Variants in PLXND1 observed in about 807,000 individuals in gnomAD.
PLXND1 encodes plexin-D1.
Under a neutral mutation model 197.7 loss-of-function variants are expected in PLXND1, and 54 were observed. That is an observed-to-expected ratio of 0.27 (90% CI 0.22 to 0.34). The LOEUF is 0.34. Ranked by LOEUF, PLXND1 falls within the 10% of genes least tolerant of loss-of-function variation. The probability of loss-of-function intolerance (pLI) is 1.00; values close to 1 mark genes in which losing one functional copy is unlikely to be tolerated. For synonymous variants in PLXND1, 1,180 were observed against 1,161.2 expected, an observed-to-expected ratio of 1.02 and a Z score of -0.33; for missense variants, 2,127 against 2,699.2, an observed-to-expected ratio of 0.79 and a Z score of 4.70.
At chr3:129,572,579 G>A (rs765163614) in intron 15 of PLXND1, 30 bp downstream of exon 15, 5 of 1,475,468 alleles carry the variant, frequency 3.4e-6, no homozygotes, top group Non-Finnish European at 4.5e-6. Context: ...TCTCTGGGCT[G>A]GAAGGGATGG....
chr3:129,565,511 G>C lies in PLXND1; in HGVS notation c.4350C>G (p.Ile1450Met), dbSNP rs748404760. The part of the protein sequence containing the change: ...DRCSLASLLT[I>M]ALHGKLEYYT... ...AGTACTCCAGCTTGCCGTGCAGCGCGATGGTCAGCAGCGAGGCCAGGCTGC... is the reference window on the plus strand; with the variant it reads ...AGTACTCCAGCTTGCCGTGCAGCGCCATGGTCAGCAGCGAGGCCAGGCTGC... Residue 1450 changes from isoleucine (I) to methionine (M), a missense_variant, in exon 25 of 36, where the codon ATC (isoleucine) becomes ATG (methionine). Physicochemically the swap from Ile to Met is conservative, Grantham distance 10. Coordinates refer to ENST00000324093, the MANE Select transcript of PLXND1 (RefSeq NM_015103.3). 1.2e-6 allele frequency: 2 copies of C among 1,613,734 alleles called. No homozygotes were observed. Among genetic ancestry groups the C allele is most frequent in the South Asian group, 2.2e-5 (2 of 91,076 alleles).
intron 19 of PLXND1, among the ~76,000 whole-genome samples, chr3:129,570,294 CA>C (rs2085205187): frequency 6.6e-6 from 1 of 152,098 alleles, no homozygotes; most frequent in African/African-American, 2.4e-5. Context: ...GCCCTGGGAC[CA>C]GGGGGTAGGT....
intron 30 of PLXND1, 61 bp downstream of exon 30, chr3:129,560,628 G>A: frequency 7.5e-7 from 1 of 1,333,270 alleles, no homozygotes; most frequent in Admixed American, 1.7e-5. Context: ...CAGGGCCACA[G>A]AAAGCCAAGG....
chr3:129,568,982 C>A (rs1384637004), intron 20 of PLXND1, among the ~76,000 whole-genome samples: 4 of 152,222 alleles, frequency 2.6e-5, no homozygotes, highest in Non-Finnish European at 5.9e-5. Flanking sequence ...TAGTCCCTGG[C>A]AATCACCATT....
chr3:129,580,182 C>G lies in PLXND1; in HGVS notation c.2242-1749G>C, dbSNP rs141524150. ...AGTTGTCCAGACCATTTGCTGACCA[C>G]GAGACCAGAGTGGTGAGTTCCCCTA... is the stretch of plus-strand genomic sequence containing the variant. On this transcript the variant is annotated intron_variant, in intron 8 of 35. Transcript: ENST00000324093. Among the ~76,000 whole-genome samples, 246 of 152,304 alleles carry G rather than the reference C, an allele frequency of 1.6e-3. No homozygotes were observed. The East Asian group carries it at 0.021, about 13-fold the overall frequency.
At position 129,555,489 on chromosome 3, in the gene PLXND1, C is replaced by G; in HGVS notation, c.*823G>C. ...TCGGGACCCCTCCCCGGGTCCTCTG[C>G]GCAAGCGGCAGCTATTCACAGTTGG... On this transcript the variant is annotated 3_prime_UTR_variant, in exon 36 of 36. Transcript: ENST00000324093. 2.9e-6 allele frequency: 2 copies of G among 680,810 alleles called. No individual in the cohort carries two copies. Among genetic ancestry groups the G allele is most frequent in the South Asian group, 1.6e-5 (1 of 63,472 alleles). The allele number at this position is 680,810 out of a possible 1,614,324, so 42.2% of individuals were successfully genotyped here. A position where few individuals can be genotyped will look rare whatever the true frequency, so the allele number is the denominator to read the frequency against.
intron 8 of PLXND1, among the ~76,000 whole-genome samples, chr3:129,579,840 A>T (rs1431786700): frequency 6.6e-6 from 1 of 152,198 alleles, no homozygotes; most frequent in African/African-American, 2.4e-5. Flanking sequence ...TCTTTATTCT[A>T]CACCAGATGA....
At chr3:129,584,284 C>A (rs1196880050) in intron 6 of PLXND1, 51 bp from the exon 7 acceptor site, 12 of 1,593,224 alleles carry the variant, frequency 7.5e-6, no homozygotes, top group Non-Finnish European at 9.5e-6. Flanking sequence ...GGGATTGCCA[C>A]CAACATCAGA....
At chr3:129,574,093 T>A (rs2085275786) in intron 12 of PLXND1, among the ~76,000 whole-genome samples, 1 of 152,176 alleles carries the variant, frequency 6.6e-6, no homozygotes, top group African/African-American at 2.4e-5. Context: ...CCTCGGTGTC[T>A]CCTCCACGCC....
intron 15 of PLXND1, 133 bp downstream of exon 15, chr3:129,572,476 G>T: frequency 1.4e-6 from 1 of 693,538 alleles, no homozygotes; most frequent in Non-Finnish European, 2.3e-6. Flanking sequence ...GAGGAGAAGG[G>T]GCTTGGCTTA....
intron 25 of PLXND1, among the ~76,000 whole-genome samples, chr3:129,564,207 C>T (rs979007071): frequency 1.3e-5 from 2 of 152,236 alleles, no homozygotes; most frequent in African/African-American, 2.4e-5. Context: ...CAGGAGGAGC[C>T]GTGGGGCTCC....
In PLXND1 at chr3:129,606,529, C is replaced by T; in HGVS notation, c.111G>A (p.Leu37=). ...CGCCGGCCCGCGCCGCCCCCAGGAG[C>T]AGCAGCAACAGCAGCGGCACCGGGC... ...PRCPVPLLLL[L]LLGAARAGAL... is the part of the protein sequence containing the mutation. The change falls in exon 1 of 36, where the codon CTG becomes CTA. Residue 37 remains leucine (L), a synonymous_variant. Transcript: ENST00000324093. 32 of 1,347,818 alleles carry T rather than the reference C, an allele frequency of 2.4e-5. No individual in the cohort carries two copies. Among genetic ancestry groups the T allele is most frequent in the Non-Finnish European group, 3.0e-5 (32 of 1,052,514 alleles). 83.5% of individuals were successfully genotyped at this position (1,347,818 alleles called of 1,614,324 possible).
chr3:129,579,533 G>A (rs1269109055), intron 8 of PLXND1, among the ~76,000 whole-genome samples: 1 of 152,184 alleles, frequency 6.6e-6, no homozygotes, highest in African/African-American at 2.4e-5. Context: ...CCTGCCCTGT[G>A]TTCTCCAGCT....
chr3:129,593,273 C>T (rs1010141714), intron 1 of PLXND1, among the ~76,000 whole-genome samples: 2 of 152,204 alleles, frequency 1.3e-5, no homozygotes, highest in African/African-American at 4.8e-5. Flanking sequence ...CCTCCCTCTG[C>T]CCCACCCGCT....
rs781293545 is a variant in PLXND1 at position 129,561,511 on chromosome 3, G to C, written c.4993+135C>G. On this transcript the variant is annotated intron_variant, in intron 29 of 35. Coordinates refer to ENST00000324093, the MANE Select transcript of PLXND1 (RefSeq NM_015103.3). ...TACTGGGTCAGAGGAGGCTGGCCCC[G>C]CCCAGCCCCCACCAAGGAGGCCTCA... is the stretch of plus-strand genomic sequence containing the variant. The C allele has an allele frequency of 1.1e-5, 7 of 660,658 alleles. No individual in the cohort carries two copies. In the Admixed American group the frequency reaches 1.5e-4, roughly 14 times the overall value. The allele number at this position is 660,658 out of a possible 1,614,324, so 40.9% of individuals were successfully genotyped here. A position where few individuals can be genotyped will look rare whatever the true frequency, so the allele number is the denominator to read the frequency against.
Position 129,557,307 on chromosome 3 carries a change from C to T in PLXND1, c.5446-84G>A, listed in dbSNP as rs2084988960. On this transcript the variant is annotated intron_variant, in intron 33 of 35. Coordinates refer to ENST00000324093, the MANE Select transcript of PLXND1 (RefSeq NM_015103.3). This position sits in a 1 kb window ranked among gnomAD's most constrained non-coding sequence, Gnocchi z 4.8. ...TTTTCTGGATGAGCCCTCATCCCTC[C>T]TGCCACATAAGTGACCTTAGCAGGC... 1 of 1,496,716 alleles carries T rather than the reference C, an allele frequency of 6.7e-7. No individual in the cohort carries two copies. Among genetic ancestry groups the T allele is most frequent in the African/African-American group, 1.4e-5 (1 of 72,470 alleles). 92.7% of individuals were successfully genotyped at this position (1,496,716 alleles called of 1,614,324 possible). A position where few individuals can be genotyped will look rare whatever the true frequency, so the allele number is the denominator to read the frequency against.
rs2085433544 is a variant in PLXND1, at chr3:129,584,579, C to T, written c.1852-17G>A. On this transcript the variant is annotated splice_polypyrimidine_tract_variant and intron_variant, in intron 5 of 35. Transcript: ENST00000324093. ...GATCATGCCCTGGGGGCAAGGAGCC[C>T]TCAGCTCTGGGGGTCCAGGCTATGC... The T allele has an allele frequency of 1.3e-6, 2 of 1,590,128 alleles. No individual in the cohort carries two copies. The highest frequency in any genetic ancestry group is 2.7e-5 in the African/African-American group (2 of 74,746).
rs1018135442 is a variant in PLXND1 at position 129,605,457 on chromosome 3, C to T, written c.1183G>A (p.Asp395Asn). ...GCAGCTCGGATGGCGGCTCGCACGT[C>T]GGCGAAGCGGAAGGCGCAGAGTGCG... ...PAALCAFRFA[D>N]VRAAIRAART... Residue 395 changes from aspartate to asparagine, a missense_variant, in exon 1 of 36, where the codon GAC (aspartate) becomes AAC (asparagine). By Grantham distance (23) the Asp-to-Asn change is conservative (BLOSUM62 1). Coordinates refer to ENST00000324093, the MANE Select transcript of PLXND1 (RefSeq NM_015103.3). 1.5e-5 allele frequency: 22 copies of T among 1,501,550 alleles called. No individual in the cohort carries two copies. Among genetic ancestry groups the T allele is most frequent in the Admixed American group, 2.1e-5 (1 of 46,654 alleles). The allele number at this position is 1,501,550 out of a possible 1,614,324, so 93.0% of individuals were successfully genotyped here.
In PLXND1 at chr3:129,584,201, T is replaced by C. The variant is rs375414098; in HGVS notation, c.2062A>G (p.Asn688Asp). 5 of 1,591,358 alleles carry C rather than the reference T, an allele frequency of 3.1e-6. No individual in the cohort carries two copies. In the African/African-American group the frequency reaches 6.7e-5, roughly 21 times the overall value. ...TTGGCCTTGACGATGTTCCGCCCAT[T>C]GACCCTCACAGACATCTCAACAGTC... ...HVTVEMSVRV[N>D]GRNIVKANFT... Residue 688 changes from asparagine to aspartate, a missense_variant, in exon 7 of 36, where the codon AAT becomes GAT. This residue lies in a region of PLXND1 where 1,095 missense variants were observed against 1,259.8 expected (regional missense o/e 0.87). Transcript: ENST00000324093.
Sources: gnomAD v4.1 joint callset for allele counts (sites outside exome capture counted in the v4.1 genomes callset) on GRCh38, gnomAD v4.1.1 for gene constraint, gnomAD v4.1.1 regional missense constraint, Gnocchi (gnomAD v3.1) non-coding constraint, MANE v1.5 for transcripts, NCBI Gene and HGNC (gene_info 2026-07-23, HGNC 2026-07-21) for gene names.